The following MACF1 variants were observed in gnomAD, a reference collection of about 807,000 sequenced individuals.
MACF1 encodes microtubule actin crosslinking factor 1.
MACF1 carries 193 observed loss-of-function variants against 854.8 expected under a neutral mutation model. The ratio of observed to expected loss-of-function variants is 0.23; its 90% CI spans 0.20 to 0.25. The LOEUF (loss-of-function observed/expected upper bound fraction) is 0.25. Among genes scored for constraint, MACF1 ranks in the 10% least tolerant of loss-of-function variants. The probability of loss-of-function intolerance (pLI) is 1.00; values close to 1 mark genes in which losing one functional copy is unlikely to be tolerated. For synonymous variants in MACF1, 3,185 were observed against 3,226.7 expected (o/e 0.99, Z 0.44); for missense variants, 7,722 against 8,929.1 (o/e 0.86, Z 5.45).
At chr1:39,228,977 C>A (rs1482070948) in intron 1 of MACF1, among the ~76,000 whole-genome samples, 1 of 152,138 alleles carries the variant, frequency 6.6e-6, no homozygotes, top group Non-Finnish European at 1.5e-5. Flanking sequence ...TCTAACAGTC[C>A]CAAATGAGAG....
chr1:39,312,562 C>T (rs570784571), intron 26 of MACF1, among the ~76,000 whole-genome samples: 1 of 152,154 alleles, frequency 6.6e-6, no homozygotes, highest in Non-Finnish European at 1.5e-5. Flanking sequence ...TGGTGGCTCA[C>T]GTCTGTAATC....
intron 2 of MACF1, among the ~76,000 whole-genome samples, chr1:39,086,215 G>GA (rs1209087093): frequency 6.6e-6 from 1 of 152,170 alleles, no homozygotes; most frequent in Non-Finnish European, 1.5e-5. Flanking sequence ...GATATTATGT[G>GA]ATGTGACAGA....
intron 58 of MACF1, among the ~76,000 whole-genome samples, chr1:39,407,368 C>T (rs982486467): frequency 1.3e-5 from 2 of 152,178 alleles, no homozygotes; most frequent in Non-Finnish European, 1.5e-5. Flanking sequence ...ACTGTTTGTT[C>T]TTCATAGGAC....
chr1:39,189,821 A>C (rs986427380), intron 2 of MACF1, among the ~76,000 whole-genome samples: 3 of 152,184 alleles, frequency 2.0e-5, no homozygotes, highest in African/African-American at 4.8e-5. Flanking sequence ...ATCTGTATAC[A>C]TATTTCTCCA....
At chr1:39,313,374 A>G (rs1231981534) in intron 26 of MACF1, among the ~76,000 whole-genome samples, 1 of 152,234 alleles carries the variant, frequency 6.6e-6, no homozygotes, top group Non-Finnish European at 1.5e-5. Flanking sequence ...ATTTTCACCA[A>G]CTAGTTTTAG....
At chr1:39,153,261 G>A (rs916515478) in intron 2 of MACF1, among the ~76,000 whole-genome samples, 2 of 152,116 alleles carry the variant, frequency 1.3e-5, no homozygotes, top group African/African-American at 4.8e-5. Context: ...GAGGCTTTTA[G>A]GTTATTTTGG....
intron 49 of MACF1, among the ~76,000 whole-genome samples, chr1:39,363,604 C>CTTTCTTTCTTT (rs771066867): frequency 7.3e-6 from 1 of 136,100 alleles, no homozygotes; most frequent in Non-Finnish European, 1.6e-5. Context: ...TTCTTTCTTT[C>CTTTCTTTCTTT]TTTTTTTTTT....
At chr1:39,089,971 G>C (rs11205632) in intron 2 of MACF1, among the ~76,000 whole-genome samples, 2 of 152,168 alleles carry the variant, frequency 1.3e-5, no homozygotes, top group Non-Finnish European at 2.9e-5. Flanking sequence ...AGCCAGATGA[G>C]GCAGTGGAGA....
chr1:39,448,038 T>C lies in MACF1; in HGVS notation c.19974T>C (p.His6658=). 1 of 1,614,084 alleles carries C rather than the reference T, an allele frequency of 6.2e-7. No individual in the cohort carries two copies. The highest frequency in any genetic ancestry group is 1.7e-5 in the Admixed American group (1 of 60,004). The change falls in exon 83 of 101, where the codon CAT becomes CAC. Residue 6658 remains histidine, a synonymous_variant. Coordinates refer to ENST00000564288, the MANE Select transcript of MACF1 (RefSeq NM_001394062.1). ...TATTTCTTATGTAATTTTAGTTCCA[T>C]GAAGCTTGGAAAAAACTGATTGACT... ...DDARKRAKQF[H]EAWKKLIDWL...
At chr1:39,341,197 C>G (rs1446487626) in intron 40 of MACF1, among the ~76,000 whole-genome samples, 1 of 151,496 alleles carries the variant, frequency 6.6e-6, no homozygotes, top group Admixed American at 6.6e-5. Context: ...CCACGCCCGG[C>G]TCATTTTTGT....
At chr1:39,433,817 C>CG (rs1326745683) in intron 68 of MACF1, among the ~76,000 whole-genome samples, 1 of 152,142 alleles carries the variant, frequency 6.6e-6, no homozygotes, top group Non-Finnish European at 1.5e-5. Context: ...CGGTGGCTCA[C>CG]GCCTGTAATC....
intron 58 of MACF1, among the ~76,000 whole-genome samples, chr1:39,416,396 A>C (rs1643310316): frequency 6.6e-6 from 1 of 152,102 alleles, no homozygotes. Context: ...CTCTAATCCC[A>C]ACATTTGGGA....
chr1:39,447,905 T>G lies in MACF1; in HGVS notation c.19968+7T>G. ...CAGGAAGCGGGCAAAACAAGTAAGT[T>G]GGGGAAGAAAGATACTAATTCACTG... On this transcript the variant is annotated splice_region_variant and intron_variant, in intron 82 of 100. Coordinates refer to ENST00000564288, the MANE Select transcript of MACF1 (RefSeq NM_001394062.1). The G allele has an allele frequency of 6.2e-7, 1 of 1,613,850 alleles. No individual in the cohort carries two copies. The highest frequency in any genetic ancestry group is 8.5e-7 in the Non-Finnish European group (1 of 1,179,900).
chr1:39,359,858 G>A (rs943410972), intron 47 of MACF1, among the ~76,000 whole-genome samples: 1 of 149,802 alleles, frequency 6.7e-6, no homozygotes, highest in African/African-American at 2.5e-5. Context: ...ATGGTGGCAG[G>A]CGCCTGTAAT....
intron 2 of MACF1, among the ~76,000 whole-genome samples, chr1:39,122,270 T>TG (rs1372069117): frequency 6.6e-6 from 1 of 151,612 alleles, no homozygotes; most frequent in East Asian, 1.9e-4. Context: ...TTTTTTTTTT[T>TG]TTGAGATGGA....
At chr1:39,278,452 T>G (rs1199996474) in intron 6 of MACF1, among the ~76,000 whole-genome samples, 2 of 152,226 alleles carry the variant, frequency 1.3e-5, no homozygotes, top group East Asian at 3.8e-4. Flanking sequence ...GTAGTTTTAG[T>G]GCAATATACA....
Position 39,335,255 on chromosome 1 carries a change from A to G in MACF1, c.8667A>G (p.Glu2889=). 1 of 1,614,072 alleles carries G rather than the reference A, an allele frequency of 6.2e-7. No individual in the cohort carries two copies. The highest frequency in any genetic ancestry group is 8.5e-7 in the Non-Finnish European group (1 of 1,179,928). ...GQVSLTHPYS[E]CDFKLKEVAR... ...TGTCATTGACACACCCTTACTCTGA[A>G]TGTGATTTTAAACTTAAAGAAGTGG... The change falls in exon 37 of 101, where the codon GAA becomes GAG. Residue 2889 remains glutamate, a synonymous_variant. Coordinates refer to ENST00000564288, the MANE Select transcript of MACF1 (RefSeq NM_001394062.1).
chr1:39,307,771 G>A (rs2490942), intron 23 of MACF1, among the ~76,000 whole-genome samples: 145,542 of 151,830 alleles, frequency 0.96, 69,954 homozygotes, highest in Non-Finnish European at 1. Context: ...ACGGGGTTTC[G>A]CCATGTTGGC....
Position 39,414,601 on chromosome 1 carries a change from T to C in MACF1, c.15817-7773T>C, listed in dbSNP as rs535910585. Reference sequence around the variant, plus strand: ...GTTCTTTTTGGGTCTCCCGGGCTTATAGTTTGTAGTCTTTCTGTTCAGTTT... The same window carrying C: ...GTTCTTTTTGGGTCTCCCGGGCTTACAGTTTGTAGTCTTTCTGTTCAGTTT... On this transcript the variant is annotated intron_variant, in intron 58 of 100. Coordinates refer to ENST00000564288, the MANE Select transcript of MACF1 (RefSeq NM_001394062.1). 117 of 1,417,948 alleles carry C rather than the reference T, an allele frequency of 8.3e-5. No homozygotes were observed. The Middle Eastern group carries it at 1.9e-3, about 23-fold the overall frequency. 87.8% of individuals were successfully genotyped at this position (1,417,948 alleles called of 1,614,324 possible).
Sources: gnomAD v4.1 joint callset for allele counts (sites outside exome capture counted in the v4.1 genomes callset) on GRCh38, gnomAD v4.1.1 for gene constraint, MANE v1.5 for transcripts, NCBI Gene and HGNC (gene_info 2026-07-23, HGNC 2026-07-21) for gene names.